ABR: variants seen among roughly 807,000 people sequenced by gnomAD.
ABR encodes the protein active breakpoint cluster region-related protein.
A neutral mutation model predicts 107.2 loss-of-function variants in ABR; 35 were observed. The observed-to-expected ratio is 0.33, with a 90% CI of 0.25 to 0.43. The LOEUF (loss-of-function observed/expected upper bound fraction) is 0.43. Among genes scored for constraint, ABR ranks in the 20% least tolerant of loss-of-function variants. ABR has a pLI of 1.00. For synonymous variants in ABR, 498 were observed against 462.0 expected (o/e 1.08, Z -1.00); for missense variants, 815 against 1,115.2 (o/e 0.73, Z 3.83).
chr17:1,172,954 C>A (rs1201506070), intron 1 of ABR, among the ~76,000 whole-genome samples: 1 of 143,782 alleles, frequency 7.0e-6, no homozygotes, highest in East Asian at 2.0e-4. Context: ...TAATCCACCC[C>A]CCCCATCACC....
At chr17:1,207,377 CA>C (rs1328881006) in intron 1 of ABR, among the ~76,000 whole-genome samples, 1 of 152,074 alleles carries the variant, frequency 6.6e-6, no homozygotes, top group Non-Finnish European at 1.5e-5. Flanking sequence ...TGGCCGTGTG[CA>C]GTGGCTCACA....
chr17:1,094,926 G>C (rs930984005), intron 3 of ABR, among the ~76,000 whole-genome samples: 1 of 152,136 alleles, frequency 6.6e-6, no homozygotes, highest in African/African-American at 2.4e-5. Context: ...GTCCCCCCAA[G>C]CCCAGGTGGG....
chr17:1,043,459 G>A lies in ABR; in HGVS notation c.1791+6591C>T, dbSNP rs192709029. Among the ~76,000 whole-genome samples, 134 of 148,894 alleles carry A rather than the reference G, an allele frequency of 9.0e-4. No homozygotes were observed. In the East Asian group the frequency reaches 0.015, roughly 17 times the overall value. On this transcript the variant is annotated intron_variant, in intron 16 of 22. Transcript: ENST00000302538. Reference sequence around the variant, plus strand: ...GCTGGGATTACAGGCGTGAGCCACCGCGCCCGGCCCCTAAAATTTATTAAA... The same window carrying A: ...GCTGGGATTACAGGCGTGAGCCACCACGCCCGGCCCCTAAAATTTATTAAA...
intron 9 of ABR, among the ~76,000 whole-genome samples, chr17:1,068,171 G>T (rs2034909287): frequency 6.6e-6 from 1 of 152,236 alleles, no homozygotes. Context: ...GACCTCAGGT[G>T]ATCCACCCGC....
intron 21 of ABR, 101 bp from the exon 22 acceptor site, chr17:1,007,413 G>T: frequency 1.4e-6 from 2 of 1,408,474 alleles, no homozygotes; most frequent in Non-Finnish European, 1.9e-6. Flanking sequence ...AAGGACTCCT[G>T]GAAGGGGTCA....
At chr17:1,208,474 C>G (rs1320268616) in intron 1 of ABR, among the ~76,000 whole-genome samples, 3 of 152,214 alleles carry the variant, frequency 2.0e-5, no homozygotes, top group African/African-American at 4.8e-5. Flanking sequence ...GAACCAGTCT[C>G]AGAGCCACAT....
At chr17:1,035,683 C>A (rs1187614678) in intron 16 of ABR, among the ~76,000 whole-genome samples, 1 of 92,346 alleles carries the variant, frequency 1.1e-5, no homozygotes. Flanking sequence ...ACTCCCCCGG[C>A]TGGATAAACA....
At chr17:1,009,613 G>T in intron 21 of ABR, 66 bp downstream of exon 21, 1 of 1,457,912 alleles carries the variant, frequency 6.9e-7, no homozygotes, top group Non-Finnish European at 9.6e-7. Flanking sequence ...TGGGGTTGGG[G>T]CCCCTCCCCG....
Position 1,113,277 on chromosome 17 carries a change from GATTTTTT to G in ABR, c.246+11899_246+11905del, listed in dbSNP as rs1291164592. ...GGGATAACATGGAAACACCTATTGCGATTTTTTTTTTTTTTTTTTTTTTTTTTGAGAC... is the reference window on the plus strand; with the variant it reads ...GGGATAACATGGAAACACCTATTGCGTTTTTTTTTTTTTTTTTTTTGAGAC... On this transcript the variant is annotated intron_variant, in intron 2 of 22. Coordinates refer to ENST00000302538, the MANE Select transcript of ABR (RefSeq NM_021962.5). Among the ~76,000 whole-genome samples the G allele has an allele frequency of 1.0e-4, 9 of 88,208 alleles. 1 individual carries two copies. The highest frequency in any genetic ancestry group is 4.6e-4 in the African/African-American group (9 of 19,768). The allele number at this position is 88,208 out of a possible 152,430, so 57.9% of individuals were successfully genotyped here. A position where few individuals can be genotyped will look rare whatever the true frequency, so the allele number is the denominator to read the frequency against.
intron 16 of ABR, among the ~76,000 whole-genome samples, chr17:1,023,523 C>T (rs1030037751): frequency 1.4e-5 from 2 of 146,894 alleles, no homozygotes; most frequent in Non-Finnish European, 3.0e-5. Flanking sequence ...GCAGTGGGGC[C>T]CTCTTGAGAA....
intron 16 of ABR, among the ~76,000 whole-genome samples, chr17:1,047,839 G>C (rs2031861158): frequency 6.6e-6 from 1 of 152,178 alleles, no homozygotes; most frequent in Non-Finnish European, 1.5e-5. Context: ...GAGTGAGAAG[G>C]AGGGAAGCAA....
chr17:1,067,817 A>G (rs2034878865), intron 9 of ABR, among the ~76,000 whole-genome samples: 2 of 152,270 alleles, frequency 1.3e-5, no homozygotes, highest in Admixed American at 1.3e-4. Context: ...AATGTCTGCC[A>G]TCGCAAAGGA....
rs116648331 is a variant in ABR at position 1,166,581 on chromosome 17, A to G, written c.61+13086T>C. The stretch of plus-strand genomic sequence containing the variant: ...TCTGAGAAGGCTCCCACGTTGTGCT[A>G]AGGAGTTTAGAGTTTATCCTGCAGG... On this transcript the variant is annotated intron_variant, in intron 1 of 22. Transcript: ENST00000302538. Among the ~76,000 whole-genome samples the G allele has an allele frequency of 3.2e-3, 494 of 152,268 alleles. 4 individuals carry two copies. The highest frequency in any genetic ancestry group is 0.011 in the African/African-American group (446 of 41,554).
At chr17:1,089,039 G>A (rs770138734) in intron 4 of ABR, among the ~76,000 whole-genome samples, 1 of 151,676 alleles carries the variant, frequency 6.6e-6, no homozygotes, top group Non-Finnish European at 1.5e-5. Flanking sequence ...GGGACTACAG[G>A]TGCATTCCAC....
intron 16 of ABR, among the ~76,000 whole-genome samples, chr17:1,014,257 C>T (rs974034555): frequency 5.3e-5 from 8 of 151,458 alleles, no homozygotes; most frequent in East Asian, 2.0e-4. Flanking sequence ...CTGGCTAACA[C>T]GGTGAAACCC....
At chr17:1,110,471 C>T (rs2151391496) in intron 2 of ABR, among the ~76,000 whole-genome samples, 1 of 152,354 alleles carries the variant, frequency 6.6e-6, no homozygotes, top group Admixed American at 6.5e-5. Context: ...GCTGCCTGAT[C>T]TCTGTTCAAA....
intron 1 of ABR, among the ~76,000 whole-genome samples, chr17:1,146,831 C>T (rs534145595): frequency 2.0e-3 from 273 of 139,870 alleles, no homozygotes; most frequent in African/African-American, 6.6e-3. Context: ...TGCCACACGA[C>T]ACCACTGCCA....
At chr17:1,013,638 C>A (rs539169710) in intron 16 of ABR, among the ~76,000 whole-genome samples, 1 of 152,226 alleles carries the variant, frequency 6.6e-6, no homozygotes, top group African/African-American at 2.4e-5. Flanking sequence ...GAGTCAGGAG[C>A]CCGCGCACAG....
At position 1,203,914 on chromosome 17, in the gene ABR, G is replaced by A. The variant is rs553839531; in HGVS notation, c.838+24879C>T. 5.3e-5 allele frequency among the ~76,000 whole-genome samples: 8 copies of A among 152,338 alleles called. No individual in the cohort carries two copies. In the South Asian group the frequency reaches 1.2e-3, roughly 24 times the overall value. On this transcript the variant is annotated intron_variant, in intron 1 of 22. Coordinates refer to the ABR transcript ENST00000574139. ...GAAACCAGCTCCAGCTCCTCATCTG[G>A]ATTTTACATAAATCCATGGCTCAAA...
Sources: allele counts gnomAD v4.1 joint callset (sites outside exome capture counted in the v4.1 genomes callset), GRCh38; gene constraint gnomAD v4.1.1; transcripts MANE v1.5; gene names NCBI Gene and HGNC (gene_info 2026-07-23, HGNC 2026-07-21).